LGI3: variants seen among roughly 807,000 people sequenced by gnomAD.
LGI3 encodes the protein leucine-rich repeat LGI family member 3.
LGI3 carries 47 observed loss-of-function variants against 55.4 expected under a neutral mutation model. The observed-to-expected ratio is 0.85, with a 90% CI of 0.67 to 1.08. The LOEUF (loss-of-function observed/expected upper bound fraction) is 1.08. LGI3 is among the 50% of genes least tolerant of loss of function. LGI3 has a pLI of 0.00. For synonymous variants in LGI3, 326 were observed against 315.0 expected (o/e 1.04, Z -0.37); for missense variants, 664 against 726.3 (o/e 0.91, Z 0.99).
chr8:22,153,875 C>T (rs1827449102), intron 5 of LGI3, 93 bp downstream of exon 5: 2 of 1,342,148 alleles, frequency 1.5e-6, no homozygotes, highest in Non-Finnish European at 2.1e-6. Flanking sequence ...CCTCTCAAGA[C>T]CTTATGACCA....
At position 22,148,024 on chromosome 8, in the gene LGI3, A is replaced by G. The variant is rs982820012; in HGVS notation, c.*136T>C. On this transcript the variant is annotated 3_prime_UTR_variant, in exon 8 of 8. Transcript: ENST00000306317. The surrounding 1 kb of genome is among the most constrained non-coding windows in gnomAD (Gnocchi z 7.0). ...GCCAGTCCACGGGGTGCGCCTGTAC[A>G]CACTGGGCGTGTGCGGATACAAGGG... 1.3e-5 allele frequency: 10 copies of G among 748,332 alleles called. No individual in the cohort carries two copies. The Admixed American group carries it at 1.9e-4, about 15-fold the overall frequency. The allele number at this position is 748,332 out of a possible 1,614,324, so 46.4% of individuals were successfully genotyped here.
chr8:22,151,432 A>C, intron 7 of LGI3, 57 bp downstream of exon 7: 1 of 1,538,734 alleles, frequency 6.5e-7, no homozygotes, highest in Non-Finnish European at 8.9e-7. Context: ...TGAACGATGG[A>C]GCCCACTCCC....
Position 22,156,581 on chromosome 8 carries a change from C to T in LGI3, c.-39G>A, listed in dbSNP as rs2131799453. On this transcript the variant is annotated 5_prime_UTR_variant, in exon 1 of 8. Coordinates refer to ENST00000306317, the MANE Select transcript of LGI3 (RefSeq NM_139278.4). ...TCTCCCTGGGGCCGGCGGCCGCGGC[C>T]CCCGCCCCACCGCTCCCGCGGCTGG... 2 of 794,050 alleles carry T rather than the reference C, an allele frequency of 2.5e-6. No individual in the cohort carries two copies. The highest frequency in any genetic ancestry group is 3.9e-5 in the East Asian group (1 of 25,732). 49.2% of individuals were successfully genotyped at this position (794,050 alleles called of 1,614,324 possible). A position where few individuals can be genotyped will look rare whatever the true frequency, so the allele number is the denominator to read the frequency against.
rs760988110 is a variant in LGI3, at chr8:22,151,860, G to C, written c.635C>G (p.Pro212Arg). The change falls in exon 6 of 8, where the codon CCG (proline) becomes CGG (arginine). Residue 212 changes from proline to arginine, a missense_variant. Coordinates refer to ENST00000306317, the MANE Select transcript of LGI3 (RefSeq NM_139278.4). ...GGTGATGCAATCGAACTCCCGCAGC[G>C]GCAGGTCCTGCACCTTGTGCTCCTG... ...RFQEHKVQDL[P>R]LREFDCITTD... The C allele has an allele frequency of 5.6e-6, 9 of 1,612,054 alleles. No individual in the cohort carries two copies. The highest frequency in any genetic ancestry group is 7.6e-6 in the Non-Finnish European group (9 of 1,179,144).
chr8:22,152,921 A>C (rs1267689933), intron 5 of LGI3, among the ~76,000 whole-genome samples: 1 of 150,188 alleles, frequency 6.7e-6, no homozygotes, highest in East Asian at 2.0e-4. Flanking sequence ...GTGGTGGTGC[A>C]TGCCTGTAAT....
intron 1 of LGI3, among the ~76,000 whole-genome samples, chr8:22,155,847 A>C (rs1827486118): frequency 6.6e-6 from 1 of 152,268 alleles, no homozygotes; most frequent in Non-Finnish European, 1.5e-5. Context: ...CTGGTCCCAC[A>C]GACAAGGGGG....
chr8:22,150,983 C>A (rs1827370398), intron 7 of LGI3, among the ~76,000 whole-genome samples: 1 of 152,046 alleles, frequency 6.6e-6, no homozygotes, highest in African/African-American at 2.4e-5. Context: ...ACCTCCTTGA[C>A]TTCGTTCATG....
intron 5 of LGI3, 69 bp from the exon 6 acceptor site, chr8:22,152,069 C>T (rs1827387292): frequency 7.5e-7 from 1 of 1,334,044 alleles, no homozygotes; most frequent in African/African-American, 1.5e-5. Flanking sequence ...CTACCCAGGC[C>T]CTCCAGGTTT....
At position 22,156,594 on chromosome 8, in the gene LGI3, C is replaced by T; in HGVS notation, c.-52G>A. 1 of 675,366 alleles carries T rather than the reference C, an allele frequency of 1.5e-6. No homozygotes were observed. The highest frequency in any genetic ancestry group is 4.3e-5 in the East Asian group (1 of 23,200). The allele number at this position is 675,366 out of a possible 1,614,324, so 41.8% of individuals were successfully genotyped here. The stretch of plus-strand genomic sequence containing the variant: ...GGCGGCCGCGGCCCCCGCCCCACCG[C>T]TCCCGCGGCTGGGCCACCCCGCGCG... On this transcript the variant is annotated 5_prime_UTR_variant, in exon 1 of 8. Coordinates refer to ENST00000306317, the MANE Select transcript of LGI3 (RefSeq NM_139278.4).
chr8:22,153,923 G>T (rs1169217529), intron 5 of LGI3, 45 bp downstream of exon 5: 2 of 1,581,726 alleles, frequency 1.3e-6, no homozygotes, highest in East Asian at 4.5e-5. Context: ...CTCCAGGGAT[G>T]CGCCCTCTGC....
chr8:22,151,404 A>G (rs1827375371), intron 7 of LGI3, 85 bp downstream of exon 7: 1 of 1,344,456 alleles, frequency 7.4e-7, no homozygotes, highest in African/African-American at 1.4e-5. Flanking sequence ...CCCTCTACCT[A>G]CAGGAACTCA....
intron 5 of LGI3, among the ~76,000 whole-genome samples, chr8:22,152,994 G>A (rs1212895782): frequency 1.3e-5 from 2 of 150,010 alleles, no homozygotes; most frequent in Middle Eastern, 3.5e-3. Context: ...AGGTTGCCGC[G>A]ACCTGAGATG....
Position 22,155,448 on chromosome 8 carries a change from GGCATTCA to G in LGI3, c.215_221del (p.Val72AlafsTer29). 6.2e-7 allele frequency: 1 copy of G among 1,613,802 alleles called. No individual in the cohort carries two copies. Among genetic ancestry groups the G allele is most frequent in the Non-Finnish European group, 8.5e-7 (1 of 1,179,978 alleles). ...CTCCATCCTGGATCTCTGAGAAGGC[GGCATTCA>G]CCAGGGTCCTGCGGGGACACCCGAG... On this transcript the variant is annotated frameshift_variant, in exon 2 of 8. Transcript: ENST00000306317. LOFTEE classifies it high-confidence loss of function.
At position 22,148,455 on chromosome 8, in the gene LGI3, C is replaced by T. The variant is rs1827334807; in HGVS notation, c.1352G>A (p.Trp451Ter). ...RYIGDSKILR[W>*]EGTRFSEVQA... ...CACCTCCGAGAAGCGGGTACCCTCCCAGCGCAGGATCTTGGAGTCGCCAAT... is the reference window on the plus strand; with the variant it reads ...CACCTCCGAGAAGCGGGTACCCTCCTAGCGCAGGATCTTGGAGTCGCCAAT... The change falls in exon 8 of 8, where the codon TGG (tryptophan) becomes TAG (stop). Residue 451 changes from tryptophan (W) to a stop codon, truncating the protein, a stop_gained. Transcript: ENST00000306317. LOFTEE classifies it high-confidence loss of function. This position sits in a 1 kb window ranked among gnomAD's most constrained non-coding sequence, Gnocchi z 7.0. 2 of 1,612,454 alleles carry T rather than the reference C, an allele frequency of 1.2e-6. No homozygotes were observed. The highest frequency in any genetic ancestry group is 8.5e-7 in the Non-Finnish European group (1 of 1,179,962).
At chr8:22,155,833 C>T (rs1827485839) in intron 1 of LGI3, among the ~76,000 whole-genome samples, 1 of 152,266 alleles carries the variant, frequency 6.6e-6, no homozygotes, top group African/African-American at 2.4e-5. Context: ...ACCTCACAAC[C>T]TCTCTGGTCC....
At chr8:22,152,067 G>T in intron 5 of LGI3, 67 bp from the exon 6 acceptor site, 2 of 1,349,114 alleles carry the variant, frequency 1.5e-6, no homozygotes, top group Non-Finnish European at 2.0e-6. Flanking sequence ...GCCTACCCAG[G>T]CCCTCCAGGT....
At chr8:22,153,146 A>G (rs952177334) in intron 5 of LGI3, among the ~76,000 whole-genome samples, 25 of 146,276 alleles carry the variant, frequency 1.7e-4, no homozygotes, top group African/African-American at 6.1e-4. Flanking sequence ...GTGCAATGGC[A>G]TGATCTTGGC....
In LGI3 at chr8:22,147,970, G is replaced by A. The variant is rs765472993; in HGVS notation, c.*190C>T. The A allele has an allele frequency of 2.4e-5, 14 of 575,608 alleles. No individual in the cohort carries two copies. The highest frequency in any genetic ancestry group is 3.4e-5 in the Admixed American group (1 of 29,452). The allele number at this position is 575,608 out of a possible 1,614,324, so 35.7% of individuals were successfully genotyped here. A position where few individuals can be genotyped will look rare whatever the true frequency, so the allele number is the denominator to read the frequency against. ...CCCAGGGGTGCCTGGTGTTCATGCT[G>A]ATTGCAGTGATGATGCACGTCCTCC... is the stretch of plus-strand genomic sequence containing the variant. On this transcript the variant is annotated 3_prime_UTR_variant, in exon 8 of 8. Coordinates refer to ENST00000306317, the MANE Select transcript of LGI3 (RefSeq NM_139278.4).
chr8:22,153,325 T>C (rs1002837048), intron 5 of LGI3, among the ~76,000 whole-genome samples: 3 of 151,270 alleles, frequency 2.0e-5, no homozygotes, highest in Non-Finnish European at 2.9e-5. Context: ...CCTCAGGTGA[T>C]TCGCCCTCCT....
Sources: allele counts gnomAD v4.1 joint callset (sites outside exome capture counted in the v4.1 genomes callset), GRCh38; gene constraint gnomAD v4.1.1; non-coding constraint Gnocchi (gnomAD v3.1); transcripts MANE v1.5; gene names NCBI Gene and HGNC (gene_info 2026-07-23, HGNC 2026-07-21).